The following DLC1 variants were observed in gnomAD, a reference collection of about 807,000 sequenced individuals.
DLC1 encodes the protein DLC1 Rho GTPase activating protein.
A neutral mutation model predicts 140.3 loss-of-function variants in DLC1; 54 were observed. The observed-to-expected ratio is 0.38, with a 90% CI of 0.31 to 0.48. The LOEUF (loss-of-function observed/expected upper bound fraction) is 0.48. Among genes scored for constraint, DLC1 ranks in the 20% least tolerant of loss-of-function variants. The pLI is 0.96. For synonymous variants in DLC1, 986 were observed against 728.1 expected (o/e 1.35, Z -5.70); for missense variants, 2,536 against 1,907.0 (o/e 1.33, Z -6.14).
intron 2 of DLC1, among the ~76,000 whole-genome samples, chr8:13,463,471 A>G (rs1000944762): frequency 2.6e-5 from 4 of 152,234 alleles, no homozygotes; most frequent in African/African-American, 9.6e-5. Flanking sequence ...TCAGACTAAC[A>G]GAATATTTCC....
chr8:13,324,658 C>A (rs1359583957), intron 4 of DLC1, among the ~76,000 whole-genome samples: 1 of 151,764 alleles, frequency 6.6e-6, no homozygotes, highest in Non-Finnish European at 1.5e-5. Flanking sequence ...TGCTAACCTT[C>A]ATAAGCTCAG....
chr8:13,112,016 T>C (rs561391458), intron 6 of DLC1, among the ~76,000 whole-genome samples: 1 of 152,198 alleles, frequency 6.6e-6, no homozygotes, highest in African/African-American at 2.4e-5. Flanking sequence ...CTGGGCATGG[T>C]GGCATGCGGG....
intron 2 of DLC1, among the ~76,000 whole-genome samples, chr8:13,474,593 C>A (rs1057058969): frequency 6.6e-6 from 1 of 152,196 alleles, no homozygotes; most frequent in Non-Finnish European, 1.5e-5. Flanking sequence ...CCCGTGAAAG[C>A]AGCTGGGAGA....
At chr8:13,528,255 T>A (rs1221494704) in intron 1 of DLC1, among the ~76,000 whole-genome samples, 1 of 152,164 alleles carries the variant, frequency 6.6e-6, no homozygotes, top group Admixed American at 6.6e-5. Context: ...GTCTTAATTA[T>A]CATCTTGGAT....
chr8:13,093,091 G>A (rs542350652), intron 12 of DLC1, among the ~76,000 whole-genome samples: 1 of 152,010 alleles, frequency 6.6e-6, no homozygotes, highest in African/African-American at 2.4e-5. Flanking sequence ...TCAGAGTTCG[G>A]CTCTAGAGGA....
Position 13,090,351 on chromosome 8 carries a change from G to C in DLC1, c.3975C>G (p.Leu1325=), listed in dbSNP as rs763894343. ...TAAACAGGCCATCCACACAGTCCTG[G>C]AGGAAGTGTTGGTAGTCAGCTGAGT... ...NDDSADYQHF[L]QDCVDGLFKE... is the part of the protein sequence containing the mutation. Residue 1325 remains leucine, a synonymous_variant, in exon 15 of 18, where the codon CTC becomes CTG. Transcript: ENST00000276297. 3.7e-6 allele frequency: 6 copies of C among 1,614,070 alleles called. No homozygotes were observed. The highest frequency in any genetic ancestry group is 2.7e-5 in the African/African-American group (2 of 74,938).
intron 5 of DLC1, chr8:13,276,235 G>T: frequency 6.5e-7 from 1 of 1,533,512 alleles, no homozygotes; most frequent in Non-Finnish European, 8.7e-7. Context: ...CCTCACCCCC[G>T]GTCTCCAATC....
intron 4 of DLC1, among the ~76,000 whole-genome samples, chr8:13,388,098 A>C (rs565392444): frequency 6.6e-6 from 1 of 152,200 alleles, no homozygotes; most frequent in South Asian, 2.1e-4. Flanking sequence ...TTAGTTGATT[A>C]ATAAATTCCA....
intron 4 of DLC1, among the ~76,000 whole-genome samples, chr8:13,366,715 C>T (rs73548961): frequency 0.062 from 9,454 of 152,230 alleles, 370 homozygotes; most frequent in Non-Finnish European, 0.086. Context: ...TTCGGATGCC[C>T]TCTCAGGACT....
Position 13,254,684 on chromosome 8 carries a change from G to T in DLC1, c.1348+50585C>A, listed in dbSNP as rs988468663. On this transcript the variant is annotated intron_variant, in intron 5 of 17. Transcript: ENST00000276297. ...ACTACTGACTAAAGAATGACAGAAA[G>T]ATCCAAATCACAGTTAAAAAAAGGA... Among the ~76,000 whole-genome samples, 3 of 106,438 alleles carry T rather than the reference G, an allele frequency of 2.8e-5. No homozygotes were observed. In the Admixed American group the frequency reaches 4.0e-4, roughly 14 times the overall value. The allele number at this position is 106,438 out of a possible 152,430, so 69.8% of individuals were successfully genotyped here.
At chr8:13,353,858 GAAA>G (rs756022982) in intron 4 of DLC1, among the ~76,000 whole-genome samples, 3 of 129,838 alleles carry the variant, frequency 2.3e-5, no homozygotes, top group Non-Finnish European at 1.7e-5. Flanking sequence ...ACTTCGTCTG[GAAA>G]AAAAAAAAAA....
At chr8:13,163,963 A>G (rs779603880) in intron 5 of DLC1, among the ~76,000 whole-genome samples, 2 of 151,706 alleles carry the variant, frequency 1.3e-5, no homozygotes, top group South Asian at 2.1e-4. Context: ...CATGACTGCT[A>G]TTGCACTCCA....
chr8:13,102,969 C>T, intron 7 of DLC1, 116 bp from the exon 8 acceptor site: 1 of 813,722 alleles, frequency 1.2e-6, no homozygotes, highest in Admixed American at 2.5e-5. Context: ...CTCAGTAATA[C>T]CTAATACCTA....
At chr8:13,520,321 C>A (rs1220853850) in intron 1 of DLC1, among the ~76,000 whole-genome samples, 1 of 152,192 alleles carries the variant, frequency 6.6e-6, no homozygotes, top group Non-Finnish European at 1.5e-5. Context: ...ATGCCCTTTG[C>A]AGGGACATGG....
chr8:13,576,392 AC>A (rs1804837219), intron 1 of DLC1, among the ~76,000 whole-genome samples: 1 of 152,190 alleles, frequency 6.6e-6, no homozygotes, highest in Non-Finnish European at 1.5e-5. Context: ...GGTTGAGAGG[AC>A]ACAATTCCAG....
intron 4 of DLC1, among the ~76,000 whole-genome samples, chr8:13,335,516 GGAA>G (rs1468938297): frequency 6.6e-6 from 1 of 152,104 alleles, no homozygotes; most frequent in Non-Finnish European, 1.5e-5. Flanking sequence ...GATGCAGAGT[GGAA>G]GACAATTAAG....
chr8:13,092,991 C>T (rs746948821), intron 12 of DLC1, among the ~76,000 whole-genome samples, 166 bp from the exon 13 acceptor site: 37 of 152,072 alleles, frequency 2.4e-4, no homozygotes, highest in Non-Finnish European at 3.8e-4. Context: ...GAATTGCCAC[C>T]GGCGTCACTA....
intron 5 of DLC1, among the ~76,000 whole-genome samples, chr8:13,142,070 A>G (rs1186431095): frequency 6.6e-6 from 1 of 152,178 alleles, no homozygotes; most frequent in Non-Finnish European, 1.5e-5. Flanking sequence ...TATAAATGGT[A>G]GCTTTTTCCC....
At chr8:13,379,883 AC>A (rs1836173426) in intron 4 of DLC1, among the ~76,000 whole-genome samples, 2 of 152,188 alleles carry the variant, frequency 1.3e-5, no homozygotes, top group African/African-American at 4.8e-5. Flanking sequence ...TTCTCAGCAA[AC>A]TAACACAGGA....
Sources: gnomAD v4.1 joint callset for allele counts (sites outside exome capture counted in the v4.1 genomes callset) on GRCh38, gnomAD v4.1.1 for gene constraint, MANE v1.5 for transcripts, NCBI Gene and HGNC (gene_info 2026-07-23, HGNC 2026-07-21) for gene names.